Variants in AGBL4 observed in about 807,000 individuals in gnomAD.
AGBL4 encodes the protein cytosolic carboxypeptidase 6.
In AGBL4, 58 loss-of-function variants were observed where a neutral mutation model predicts 66.4. The observed-to-expected ratio is 0.87, with a 90% CI of 0.71 to 1.09. AGBL4 has a LOEUF of 1.09. AGBL4 is among the 50% of genes least tolerant of loss of function. The pLI is 0.00. For missense variants in AGBL4, 579 were observed against 631.0 expected, an observed-to-expected ratio of 0.92 and a Z score of 0.88; for synonymous variants, 234 against 222.9, an observed-to-expected ratio of 1.05 and a Z score of -0.44.
At chr1:48,535,525 G>A (rs1285530974) in intron 12 of AGBL4, among the ~76,000 whole-genome samples, 1 of 152,118 alleles carries the variant, frequency 6.6e-6, no homozygotes. Flanking sequence ...GGTGCTTGAG[G>A]AGTATTTGAT....
chr1:48,719,344 G>T (rs963374539), intron 6 of AGBL4, among the ~76,000 whole-genome samples: 1 of 152,016 alleles, frequency 6.6e-6, no homozygotes, highest in African/African-American at 2.4e-5. Context: ...TCATAGTCAG[G>T]TTCCCACCTG....
chr1:48,945,652 G>GA (rs1419667351), intron 5 of AGBL4, among the ~76,000 whole-genome samples: 7 of 152,100 alleles, frequency 4.6e-5, no homozygotes, highest in Non-Finnish European at 2.9e-5. Context: ...TTAGAAGGGG[G>GA]AAAAAACCAC....
At chr1:49,728,782 A>T (rs1262461303) in intron 2 of AGBL4, among the ~76,000 whole-genome samples, 1 of 152,184 alleles carries the variant, frequency 6.6e-6, no homozygotes, top group East Asian at 1.9e-4. Flanking sequence ...TTGCCAGCAT[A>T]GTTTGGAAGA....
At chr1:48,664,718 A>G (rs1271988501) in intron 6 of AGBL4, among the ~76,000 whole-genome samples, 1 of 152,226 alleles carries the variant, frequency 6.6e-6, no homozygotes, top group Non-Finnish European at 1.5e-5. Context: ...TCTAATTTGT[A>G]TAATAAAGTT....
chr1:49,583,462 G>A (rs749966166), intron 3 of AGBL4, among the ~76,000 whole-genome samples: 20 of 152,150 alleles, frequency 1.3e-4, no homozygotes, highest in Admixed American at 5.9e-4. Flanking sequence ...CAAACCCAAG[G>A]AGGGGTGTCA....
intron 11 of AGBL4, among the ~76,000 whole-genome samples, chr1:48,546,493 A>G (rs1339743288): frequency 6.6e-6 from 1 of 152,196 alleles, no homozygotes; most frequent in African/African-American, 2.4e-5. Flanking sequence ...CAGCAGAGAA[A>G]CGGAGTGCGG....
At chr1:49,570,170 G>A (rs72901827) in intron 3 of AGBL4, among the ~76,000 whole-genome samples, 11,154 of 151,840 alleles carry the variant, frequency 0.073, 1,299 homozygotes, top group African/African-American at 0.25. Flanking sequence ...TTTTCCCATG[G>A]AGGTTATACT....
At chr1:48,652,509 C>T (rs1645946854) in intron 8 of AGBL4, among the ~76,000 whole-genome samples, 1 of 152,134 alleles carries the variant, frequency 6.6e-6, no homozygotes, top group African/African-American at 2.4e-5. Flanking sequence ...GGTGGACACA[C>T]AGGCAGCAGG....
intron 4 of AGBL4, among the ~76,000 whole-genome samples, chr1:49,180,207 C>G (rs1646906771): frequency 6.6e-6 from 1 of 152,178 alleles, no homozygotes; most frequent in African/African-American, 2.4e-5. Flanking sequence ...TACTTAACAT[C>G]TTTAAATCTC....
At chr1:49,288,978 T>C (rs545883673) in intron 3 of AGBL4, among the ~76,000 whole-genome samples, 1 of 151,288 alleles carries the variant, frequency 6.6e-6, no homozygotes, top group African/African-American at 2.4e-5. Context: ...TACAGACATG[T>C]CAAGAAATAG....
At chr1:49,454,012 A>G (rs1465472680) in intron 3 of AGBL4, among the ~76,000 whole-genome samples, 1 of 151,668 alleles carries the variant, frequency 6.6e-6, no homozygotes, top group East Asian at 1.9e-4. Context: ...TTATTCCAGT[A>G]CCCCCATTCA....
intron 3 of AGBL4, among the ~76,000 whole-genome samples, chr1:49,371,228 TATAGATAG>T (rs71307608): frequency 2.7e-5 from 4 of 147,084 alleles, no homozygotes; most frequent in East Asian, 2.0e-4. Flanking sequence ...TAGATAGATA[TATAGATAG>T]ATAGATAGAT....
intron 6 of AGBL4, among the ~76,000 whole-genome samples, chr1:48,785,968 GC>G (rs1557993152): frequency 6.6e-6 from 1 of 151,900 alleles, no homozygotes; most frequent in Non-Finnish European, 1.5e-5. Flanking sequence ...GGTTCAAAAT[GC>G]CTGCCCTTCA....
At chr1:49,036,135 GAAATAAATTTAAATCAATTTTTT>G (rs1664632850) in intron 5 of AGBL4, among the ~76,000 whole-genome samples, 1 of 150,572 alleles carries the variant, frequency 6.6e-6, no homozygotes, top group Admixed American at 6.6e-5. Context: ...AAAAAAAACA[GAAATAAATTTAAATCAATTTTTT>G]AAATAAGAGG....
chr1:49,257,831 G>A (rs1263574286), intron 3 of AGBL4, among the ~76,000 whole-genome samples: 1 of 152,082 alleles, frequency 6.6e-6, no homozygotes, highest in East Asian at 1.9e-4. Flanking sequence ...CACGGAGCTG[G>A]AGATCTGAGA....
intron 5 of AGBL4, among the ~76,000 whole-genome samples, chr1:48,915,489 C>T (rs1467340619): frequency 6.6e-6 from 1 of 152,190 alleles, no homozygotes; most frequent in Non-Finnish European, 1.5e-5. Flanking sequence ...CCAGCCTGTG[C>T]TAGCTTTGAG....
intron 4 of AGBL4, among the ~76,000 whole-genome samples, chr1:49,119,242 T>G (rs1193079163): frequency 1.3e-5 from 2 of 152,228 alleles, no homozygotes; most frequent in East Asian, 3.9e-4. Flanking sequence ...TCTGCTAGCT[T>G]TTGAATGTGT....
At chr1:49,596,026 T>C (rs1644846684) in intron 3 of AGBL4, among the ~76,000 whole-genome samples, 1 of 152,130 alleles carries the variant, frequency 6.6e-6, no homozygotes, top group East Asian at 1.9e-4. Flanking sequence ...CGTTATTGTA[T>C]GAGAGAGGCA....
At position 48,928,955 on chromosome 1, in the gene AGBL4, A is replaced by G. The variant is rs72895630; in HGVS notation, c.595-61725T>C. 1.7e-3 allele frequency among the ~76,000 whole-genome samples: 254 copies of G among 152,238 alleles called. 4 individuals carry two copies. Among genetic ancestry groups the G allele is most frequent in the African/African-American group, 5.9e-3 (247 of 41,536 alleles). ...CTAGCAGACTAGGTCCTAGCCCTCAATGGTTGCTTTAATTACAAGAGCCCC... is the reference window on the plus strand; with the variant it reads ...CTAGCAGACTAGGTCCTAGCCCTCAGTGGTTGCTTTAATTACAAGAGCCCC... On this transcript the variant is annotated intron_variant, in intron 5 of 13. Transcript: ENST00000371839.
Sources: gnomAD v4.1 joint callset for allele counts (sites outside exome capture counted in the v4.1 genomes callset) on GRCh38, gnomAD v4.1.1 for gene constraint, MANE v1.5 for transcripts, NCBI Gene and HGNC (gene_info 2026-07-23, HGNC 2026-07-21) for gene names.